Variants in PTPRT observed in about 807,000 individuals in gnomAD.
PTPRT encodes the protein protein tyrosine phosphatase receptor type T.
Under a neutral mutation model 176.8 loss-of-function variants are expected in PTPRT, and 56 were observed. The observed-to-expected ratio is 0.32, with a 90% CI of 0.26 to 0.40. The LOEUF (loss-of-function observed/expected upper bound fraction) is 0.40, where lower values mean the gene tolerates loss of function less well. Among genes scored for constraint, PTPRT ranks in the 10% least tolerant of loss-of-function variants. The pLI is 1.00. For missense variants in PTPRT, 1,540 were observed against 1,908.2 expected (o/e 0.81, Z 3.60); for synonymous variants, 783 against 739.0 (o/e 1.06, Z -0.96).
chr20:43,007,135 C>G (rs1984894862), intron 1 of PTPRT, among the ~76,000 whole-genome samples: 1 of 152,154 alleles, frequency 6.6e-6, no homozygotes, highest in Non-Finnish European at 1.5e-5. Context: ...AAAGGCTAAA[C>G]AGGATTTGAA....
intron 27 of PTPRT, among the ~76,000 whole-genome samples, chr20:42,092,975 CTTA>C (rs1366527225): frequency 6.6e-6 from 1 of 152,216 alleles, no homozygotes; most frequent in Non-Finnish European, 1.5e-5. Context: ...GTTGTGGACT[CTTA>C]TTTGTTTTAA....
intron 16 of PTPRT, among the ~76,000 whole-genome samples, chr20:42,190,145 C>T (rs1449268639): frequency 6.6e-6 from 1 of 152,166 alleles, no homozygotes; most frequent in Non-Finnish European, 1.5e-5. Context: ...ATTCTTCTCC[C>T]AGATTCAATT....
At chr20:42,980,682 C>A (rs143117288) in intron 1 of PTPRT, among the ~76,000 whole-genome samples, 1 of 152,148 alleles carries the variant, frequency 6.6e-6, no homozygotes, top group African/African-American at 2.4e-5. Context: ...CAGCTCTGAC[C>A]AAGAAAGCCT....
Position 42,439,671 on chromosome 20 carries a change from C to T in PTPRT, c.1560+8549G>A, listed in dbSNP as rs118080290. On this transcript the variant is annotated intron_variant, in intron 9 of 30. Coordinates refer to ENST00000373187, the MANE Select transcript of PTPRT (RefSeq NM_007050.6). ...GCTAGGATTACATATCAGAGGAGAC[C>T]GACTGGATTCAATTCATGCAATGCT... Among the ~76,000 whole-genome samples, 831 of 152,072 alleles carry T rather than the reference C, an allele frequency of 5.5e-3. 2 individuals carry two copies. The highest frequency in any genetic ancestry group is 7.1e-3 in the Non-Finnish European group (484 of 67,978).
At chr20:42,709,897 C>T (rs879599963) in intron 6 of PTPRT, among the ~76,000 whole-genome samples, 13 of 152,156 alleles carry the variant, frequency 8.5e-5, no homozygotes, top group Non-Finnish European at 1.9e-4. Flanking sequence ...ATAAAGGTCA[C>T]TCATGTTACA....
At chr20:42,640,730 G>C (rs2074726510) in intron 7 of PTPRT, among the ~76,000 whole-genome samples, 1 of 152,070 alleles carries the variant, frequency 6.6e-6, no homozygotes, top group Non-Finnish European at 1.5e-5. Context: ...AATGTCTAGA[G>C]ATGTTTGAAA....
chr20:42,434,806 T>TAA (rs11397166), intron 9 of PTPRT, among the ~76,000 whole-genome samples: 17,526 of 149,104 alleles, frequency 0.12, 1,014 homozygotes, highest in Middle Eastern at 0.14. Flanking sequence ...TATTAAAAAT[T>TAA]AAAAAAAAAA....
intron 7 of PTPRT, among the ~76,000 whole-genome samples, chr20:42,567,449 C>A (rs113264369): frequency 6.6e-6 from 1 of 152,188 alleles, no homozygotes; most frequent in Non-Finnish European, 1.5e-5. Context: ...TTGGCTTTGA[C>A]ATTATCTCCA....
chr20:43,000,099 G>GAGGGAGGGAGGA (rs1984476291), intron 1 of PTPRT, among the ~76,000 whole-genome samples: 1 of 126,508 alleles, frequency 7.9e-6, no homozygotes, highest in African/African-American at 3.0e-5. Flanking sequence ...GGGAGGGAGG[G>GAGGGAGGGAGGA]AATAAAAACC....
chr20:42,243,586 T>C (rs538102918), intron 14 of PTPRT, among the ~76,000 whole-genome samples: 2 of 152,264 alleles, frequency 1.3e-5, no homozygotes, highest in South Asian at 2.1e-4. Context: ...GGAAACAGCA[T>C]GCTCAAAAGA....
At chr20:42,062,518 C>T in the PTPRT span, among the ~76,000 whole-genome samples, 9 of 152,260 alleles carry the variant, frequency 5.9e-5, no homozygotes, top group East Asian at 7.7e-4. Context: ...GGGTTTTATC[C>T]GCTTTCAGAG....
chr20:42,352,144 C>G lies in PTPRT; in HGVS notation c.1702G>C (p.Ala568Pro). ...GGCCCAAAGCCCTTTGCTGTGCTGG[C>G]CTTGATGGTGAAGGAATAGGTGGTC... Reference protein sequence around the residue: ...PGTTYSFTIKASTAKGFGPPV... With the variant: ...PGTTYSFTIKPSTAKGFGPPV... The change falls in exon 10 of 31, where the codon GCC becomes CCC. Residue 568 changes from alanine to proline, a missense_variant. Transcript: ENST00000373187. 1 of 1,614,148 alleles carries G rather than the reference C, an allele frequency of 6.2e-7. No homozygotes were observed. Among genetic ancestry groups the G allele is most frequent in the Non-Finnish European group, 8.5e-7 (1 of 1,180,044 alleles).
intron 8 of PTPRT, among the ~76,000 whole-genome samples, chr20:42,457,407 A>C (rs556031848): frequency 1.5e-4 from 23 of 152,264 alleles, no homozygotes; most frequent in African/African-American, 5.1e-4. Flanking sequence ...TTGTTTTTAA[A>C]AATCTTGTTT....
chr20:43,055,667 T>C (rs994614460), intron 1 of PTPRT, among the ~76,000 whole-genome samples: 2 of 152,220 alleles, frequency 1.3e-5, no homozygotes, highest in African/African-American at 4.8e-5. Flanking sequence ...ATGACCAGAA[T>C]TGTCTGCATT....
intron 1 of PTPRT, among the ~76,000 whole-genome samples, chr20:43,186,683 T>C (rs1441037116): frequency 2.6e-5 from 4 of 152,238 alleles, no homozygotes; most frequent in Non-Finnish European, 5.9e-5. Context: ...TTACTATGTG[T>C]TTGCGATTGT....
At chr20:42,413,978 G>A (rs1238721358) in intron 9 of PTPRT, among the ~76,000 whole-genome samples, 1 of 152,064 alleles carries the variant, frequency 6.6e-6, no homozygotes, top group Non-Finnish European at 1.5e-5. Flanking sequence ...ATCCTCCCGA[G>A]GAGCCACCAT....
chr20:42,054,167 C>T, the PTPRT span, among the ~76,000 whole-genome samples: 1 of 152,166 alleles, frequency 6.6e-6, no homozygotes, highest in African/African-American at 2.4e-5. Flanking sequence ...GGTCCATTGC[C>T]AGGCAACAAG....
chr20:42,726,830 A>G (rs527746106), intron 6 of PTPRT, among the ~76,000 whole-genome samples: 1 of 152,228 alleles, frequency 6.6e-6, no homozygotes, highest in Admixed American at 6.5e-5. Flanking sequence ...TACTTTGGAG[A>G]CTGATGAGCT....
intron 7 of PTPRT, among the ~76,000 whole-genome samples, chr20:42,541,075 C>T (rs1020941332): frequency 3.3e-5 from 5 of 151,978 alleles, no homozygotes; most frequent in Admixed American, 3.3e-4. Context: ...CTATCATATG[C>T]CAAAGAACAA....
Sources: allele counts gnomAD v4.1 joint callset (sites outside exome capture counted in the v4.1 genomes callset), GRCh38; gene constraint gnomAD v4.1.1; transcripts MANE v1.5; gene names NCBI Gene and HGNC (gene_info 2026-07-23, HGNC 2026-07-21).